EPB41L5: variants seen among roughly 807,000 people sequenced by gnomAD.
The protein encoded by EPB41L5 is band 4.1-like protein 5.
In EPB41L5, 55 loss-of-function variants were observed where a neutral mutation model predicts 106.6. The ratio of observed to expected loss-of-function variants is 0.52; its 90% CI spans 0.42 to 0.65. EPB41L5 has a LOEUF of 0.65. EPB41L5 is among the 30% of genes least tolerant of loss of function. EPB41L5 has a pLI of 0.00. For missense variants in EPB41L5, 871 were observed against 882.1 expected, an observed-to-expected ratio of 0.99 and a Z score of 0.16; for synonymous variants, 297 against 306.7, an observed-to-expected ratio of 0.97 and a Z score of 0.33.
At chr2:120,099,668 C>CT (rs1398723151) in intron 14 of EPB41L5, among the ~76,000 whole-genome samples, 1 of 152,102 alleles carries the variant, frequency 6.6e-6, no homozygotes, top group Non-Finnish European at 1.5e-5. Context: ...GCCTCGTGAT[C>CT]GCCCACCTCA....
rs1453280210 is a variant in EPB41L5 at position 120,175,301 on chromosome 2, G to A, written c.*394G>A. On this transcript the variant is annotated 3_prime_UTR_variant, in exon 25 of 25. Transcript: ENST00000263713. Reference sequence around the variant, plus strand: ...GAAAGCTATTTCCATCTAGTATCAGGGTGAGAGCATCCTTGATCTGGCTGC... The same window carrying A: ...GAAAGCTATTTCCATCTAGTATCAGAGTGAGAGCATCCTTGATCTGGCTGC... 1 of 182,560 alleles carries A rather than the reference G, an allele frequency of 5.5e-6. No individual in the cohort carries two copies. The highest frequency in any genetic ancestry group is 1.2e-4 in the South Asian group (1 of 8,584). The allele number at this position is 182,560 out of a possible 1,614,324, so 11.3% of individuals were successfully genotyped here. A position where few individuals can be genotyped will look rare whatever the true frequency, so the allele number is the denominator to read the frequency against.
chr2:120,051,684 G>A (rs1680297876), intron 3 of EPB41L5, among the ~76,000 whole-genome samples: 1 of 152,202 alleles, frequency 6.6e-6, no homozygotes, highest in Non-Finnish European at 1.5e-5. Flanking sequence ...CTCTTGCTCA[G>A]TGGGCTGCAC....
At chr2:120,143,876 A>G (rs1353672271) in intron 19 of EPB41L5, among the ~76,000 whole-genome samples, 2 of 152,150 alleles carry the variant, frequency 1.3e-5, no homozygotes, top group Non-Finnish European at 2.9e-5. Flanking sequence ...TTTCTGTTCT[A>G]CCACCTACTA....
intron 2 of EPB41L5, among the ~76,000 whole-genome samples, chr2:120,028,166 A>G (rs1217643593): frequency 6.6e-6 from 1 of 151,298 alleles, no homozygotes; most frequent in Non-Finnish European, 1.5e-5. Flanking sequence ...GCCCGGCCGG[A>G]AGTTATTTTT....
intron 16 of EPB41L5, 130 bp from the exon 17 acceptor site, chr2:120,127,553 TTTTTG>T: frequency 1.6e-6 from 1 of 642,298 alleles, no homozygotes; most frequent in African/African-American, 1.8e-5. Flanking sequence ...TTAATTTTTA[TTTTTG>T]TTTTATTTTT....
intron 16 of EPB41L5, among the ~76,000 whole-genome samples, chr2:120,116,188 A>C (rs1489878735): frequency 6.6e-6 from 1 of 152,192 alleles, no homozygotes; most frequent in Non-Finnish European, 1.5e-5. Flanking sequence ...TCAGTAGTAC[A>C]TGTAAACTTT....
intron 12 of EPB41L5, among the ~76,000 whole-genome samples, chr2:120,091,197 C>T (rs1021617333): frequency 6.6e-6 from 1 of 152,106 alleles, no homozygotes; most frequent in Non-Finnish European, 1.5e-5. Flanking sequence ...AAGTGAATAT[C>T]ACAATTAGAA....
intron 4 of EPB41L5, 27 bp downstream of exon 4, chr2:120,073,247 G>C: frequency 1.9e-6 from 3 of 1,549,576 alleles, no homozygotes; most frequent in Non-Finnish European, 2.7e-6. Flanking sequence ...TTATTTGTGG[G>C]GGGGAAAGGA....
chr2:120,022,999 A>G (rs754027735), intron 2 of EPB41L5, among the ~76,000 whole-genome samples: 4 of 152,124 alleles, frequency 2.6e-5, no homozygotes, highest in Non-Finnish European at 5.9e-5. Context: ...GTGTCCATTC[A>G]TATCCTTCAC....
intron 3 of EPB41L5, among the ~76,000 whole-genome samples, chr2:120,047,704 T>C (rs1445242081): frequency 2.0e-5 from 3 of 152,166 alleles, no homozygotes; most frequent in African/African-American, 2.4e-5. Flanking sequence ...CTATGTTGAA[T>C]AGGAGTGGTG....
At chr2:120,019,344 A>C in intron 2 of EPB41L5, 80 bp downstream of exon 2, 1 of 1,330,480 alleles carries the variant, frequency 7.5e-7, no homozygotes, top group Non-Finnish European at 1.0e-6. Flanking sequence ...TGTATTGGTA[A>C]CTTCTGGATG....
intron 2 of EPB41L5, among the ~76,000 whole-genome samples, chr2:120,022,326 C>A (rs995493852): frequency 6.6e-6 from 1 of 152,034 alleles, no homozygotes; most frequent in Non-Finnish European, 1.5e-5. Flanking sequence ...AATACTATCC[C>A]TCCCCTAACC....
chr2:120,021,533 T>C (rs1293586939), intron 2 of EPB41L5, among the ~76,000 whole-genome samples: 2 of 149,642 alleles, frequency 1.3e-5, no homozygotes, highest in South Asian at 2.1e-4. Context: ...CCCAGCTACT[T>C]GGGAGGCTGA....
At chr2:120,167,579 C>G (rs1305578508) in intron 23 of EPB41L5, 72 bp downstream of exon 23, 1 of 1,469,336 alleles carries the variant, frequency 6.8e-7, no homozygotes, top group African/African-American at 1.4e-5. Flanking sequence ...TTACTAGGTT[C>G]TTTGTTTTTC....
At position 120,087,174 on chromosome 2, in the gene EPB41L5, G is replaced by A. The variant is rs145956090; in HGVS notation, c.807G>A (p.Pro269=). Residue 269 remains proline (P), a synonymous_variant, in exon 11 of 25, where the codon CCG becomes CCA. Transcript: ENST00000263713. ...GDTKIGLFFW[P]KITRLDFKKN... The stretch of plus-strand genomic sequence containing the variant: ...TTATTCTCTTATTATATTATAGGCC[G>A]AAGATAACCAGATTGGATTTTAAGA... The A allele has an allele frequency of 6.4e-4, 1,008 of 1,572,148 alleles. 3 individuals are homozygous for A. Among genetic ancestry groups the A allele is most frequent in the Middle Eastern group, 3.9e-3 (23 of 5,906 alleles).
At chr2:120,142,205 A>C (rs1686206584) in intron 18 of EPB41L5, among the ~76,000 whole-genome samples, 1 of 151,210 alleles carries the variant, frequency 6.6e-6, no homozygotes, top group Admixed American at 6.6e-5. Context: ...GGTAATAAAT[A>C]CATTTATATT....
At chr2:120,043,433 G>A (rs1364717359) in intron 3 of EPB41L5, among the ~76,000 whole-genome samples, 3 of 152,010 alleles carry the variant, frequency 2.0e-5, no homozygotes, top group South Asian at 4.2e-4. Context: ...TGTAGTCCCA[G>A]CTACTCAGGA....
chr2:120,026,349 TTC>T (rs1031053750), intron 2 of EPB41L5, among the ~76,000 whole-genome samples: 4 of 145,422 alleles, frequency 2.8e-5, no homozygotes, highest in South Asian at 2.3e-4. Flanking sequence ...TGGCACCACT[TTC>T]TGTTTTTTTG....
At chr2:120,106,754 A>G in intron 16 of EPB41L5, 1 of 985,450 alleles carries the variant, frequency 1.0e-6, no homozygotes, top group Non-Finnish European at 1.2e-6. Flanking sequence ...ACTTTCACGC[A>G]TGAACATAAA....
Sources: gnomAD v4.1 joint callset for allele counts (sites outside exome capture counted in the v4.1 genomes callset) on GRCh38, gnomAD v4.1.1 for gene constraint, MANE v1.5 for transcripts, NCBI Gene and HGNC (gene_info 2026-07-23, HGNC 2026-07-21) for gene names.